The following SORL1 variants were observed in gnomAD, a reference collection of about 807,000 sequenced individuals.
The protein encoded by SORL1 is sortilin-related receptor.
SORL1 carries 127 observed loss-of-function variants against 273.7 expected under a neutral mutation model. That is an observed-to-expected ratio of 0.46 (90% confidence interval 0.40 to 0.54). The LOEUF is 0.54. Among genes scored for constraint, SORL1 ranks in the 20% least tolerant of loss-of-function variants. The pLI is 0.00. For synonymous variants in SORL1, 1,031 were observed against 1,067.4 expected (o/e 0.97, Z 0.66); for missense variants, 2,494 against 2,846.1 (o/e 0.88, Z 2.81).
intron 2 of SORL1, 23 bp from the exon 3 acceptor site, chr11:121,478,095 A>ATC: frequency 6.3e-7 from 1 of 1,582,246 alleles, no homozygotes. Flanking sequence ...TTTCTTTTTC[A>ATC]TCTCCTTTTC....
At chr11:121,588,710 A>T (rs1863159979) in intron 28 of SORL1, among the ~76,000 whole-genome samples, 1 of 152,218 alleles carries the variant, frequency 6.6e-6, no homozygotes, top group African/African-American at 2.4e-5. Context: ...AGATGGCTCA[A>T]ACAACAGAAA....
At chr11:121,557,784 G>A (rs975509558) in intron 19 of SORL1, among the ~76,000 whole-genome samples, 3 of 152,220 alleles carry the variant, frequency 2.0e-5, no homozygotes, top group Non-Finnish European at 4.4e-5. Flanking sequence ...TTCCCAGCAT[G>A]TGTAGGTTTT....
intron 23 of SORL1, among the ~76,000 whole-genome samples, chr11:121,573,018 A>G (rs1862869632): frequency 6.6e-6 from 1 of 152,132 alleles, no homozygotes; most frequent in South Asian, 2.1e-4. Context: ...CACTCTCCTG[A>G]GAGCAGCCTG....
intron 26 of SORL1, among the ~76,000 whole-genome samples, chr11:121,585,310 C>A (rs1863078754): frequency 6.6e-6 from 1 of 151,938 alleles, no homozygotes. Context: ...ATAGCAAGAC[C>A]CCATCTCTAC....
At chr11:121,607,097 CT>C in intron 36 of SORL1, 88 bp from the exon 37 acceptor site, 1 of 1,039,820 alleles carries the variant, frequency 9.6e-7, no homozygotes, top group Non-Finnish European at 1.5e-6. Context: ...TCCTCACCAT[CT>C]TTTCTCTCCT....
chr11:121,586,471 G>A (rs1365509227), intron 27 of SORL1, 142 bp downstream of exon 27: 3 of 693,818 alleles, frequency 4.3e-6, no homozygotes, highest in African/African-American at 1.7e-5. Flanking sequence ...TACTTGGCTA[G>A]GACTCCTGGA....
intron 2 of SORL1, among the ~76,000 whole-genome samples, chr11:121,471,003 C>T (rs1861159417): frequency 1.3e-5 from 2 of 152,188 alleles, no homozygotes; most frequent in African/African-American, 4.8e-5. Flanking sequence ...CAACACTCTA[C>T]CTCCTCAGAG....
intron 11 of SORL1, among the ~76,000 whole-genome samples, chr11:121,525,470 C>T (rs367625461): frequency 1.3e-5 from 2 of 152,132 alleles, no homozygotes; most frequent in African/African-American, 4.8e-5. Context: ...AATGGAATAG[C>T]TGGGTAGCAT....
intron 35 of SORL1, 49 bp downstream of exon 35, chr11:121,605,620 G>C (rs569908343): frequency 1.1e-5 from 16 of 1,453,552 alleles, no homozygotes; most frequent in Non-Finnish European, 8.7e-6. Flanking sequence ...CTCAGGTCGG[G>C]GTTTGTGAGG....
In SORL1 at chr11:121,574,951, CT is replaced by C. The variant is rs776272213; in HGVS notation, c.3460+598del. The stretch of plus-strand genomic sequence containing the variant: ...CAAATCTGCACCTCTGTGAACTGTT[CT>C]TTTTTTTTTAACCAATTTAATTCAT... On this transcript the variant is annotated intron_variant, in intron 24 of 47. Transcript: ENST00000260197. Among the ~76,000 whole-genome samples, 113 of 148,292 alleles carry C rather than the reference CT, an allele frequency of 7.6e-4. 1 individual carries two copies. Among genetic ancestry groups the C allele is most frequent in the South Asian group, 4.5e-3 (21 of 4,672 alleles).
intron 8 of SORL1, among the ~76,000 whole-genome samples, chr11:121,516,793 C>A (rs1036286666): frequency 6.6e-6 from 1 of 152,068 alleles, no homozygotes; most frequent in Non-Finnish European, 1.5e-5. Flanking sequence ...GTGGCTCACG[C>A]CTGTAAACCC....
At chr11:121,485,671 A>G (rs969622659) in intron 3 of SORL1, among the ~76,000 whole-genome samples, 2 of 152,324 alleles carry the variant, frequency 1.3e-5, no homozygotes, top group Middle Eastern at 3.4e-3. Context: ...TTCTGGGGAA[A>G]TCTTTTCAAA....
intron 12 of SORL1, among the ~76,000 whole-genome samples, chr11:121,538,241 CT>C (rs1016213476): frequency 6.6e-6 from 1 of 150,414 alleles, no homozygotes; most frequent in Non-Finnish European, 1.5e-5. Context: ...CAGATATTGA[CT>C]ACACCATTTA....
chr11:121,570,192 A>C lies in SORL1; in HGVS notation c.3259A>C (p.Asn1087His), dbSNP rs767195946. 1 of 1,613,956 alleles carries C rather than the reference A, an allele frequency of 6.2e-7. No individual in the cohort carries two copies. Among genetic ancestry groups the C allele is most frequent in the Non-Finnish European group, 8.5e-7 (1 of 1,179,924 alleles). Residue 1087 changes from asparagine to histidine, a missense_variant, in exon 23 of 48, where the codon AAC (asparagine) becomes CAC (histidine). This residue lies in a region of SORL1 where 1,609 missense variants were observed against 1,816.4 expected (regional missense o/e 0.89). Transcript: ENST00000260197. ...TCLRNQYRCS[N>H]GNCINSIWWC... The stretch of plus-strand genomic sequence containing the variant: ...TCTTCGCAACCAGTATCGCTGCAGC[A>C]ACGGGAACTGTATCAACAGCATTTG...
chr11:121,485,965 G>A (rs1003556206), intron 3 of SORL1, among the ~76,000 whole-genome samples: 2 of 152,190 alleles, frequency 1.3e-5, no homozygotes, highest in African/African-American at 2.4e-5. Context: ...GGAAGTTTAT[G>A]GTCTGGATTT....
In SORL1 at chr11:121,550,725, C is replaced by T; in HGVS notation, c.2266+55C>T. 2.1e-6 allele frequency: 3 copies of T among 1,406,196 alleles called. No individual in the cohort carries two copies. The highest frequency in any genetic ancestry group is 3.0e-6 in the Non-Finnish European group (3 of 1,003,196). 87.1% of individuals were successfully genotyped at this position (1,406,196 alleles called of 1,614,324 possible). A position where few individuals can be genotyped will look rare whatever the true frequency, so the allele number is the denominator to read the frequency against. On this transcript the variant is annotated intron_variant, in intron 16 of 47. Transcript: ENST00000260197. This position sits in a 1 kb window ranked among gnomAD's most constrained non-coding sequence, Gnocchi z 5.3. ...TCTTGAGACATGGTTGAAGCAGTAT[C>T]ACGATCTCACCCAAGTCCGGGCTTG...
In SORL1 at chr11:121,619,759, G is replaced by A. The variant is rs1565357108; in HGVS notation, c.5731G>A (p.Val1911Ile). 1 of 1,613,894 alleles carries A rather than the reference G, an allele frequency of 6.2e-7. No homozygotes were observed. Among genetic ancestry groups the A allele is most frequent in the Non-Finnish European group, 8.5e-7 (1 of 1,179,866 alleles). ...KDEQYLFLVRVVVPYQGPSSD... is the reference protein window; with the variant it reads ...KDEQYLFLVRIVVPYQGPSSD... ...GTGTGTGCTTGGGCTTCAGGTCCGT[G>A]TAGTGGTACCCTACCAGGGGCCATC... The change falls in exon 43 of 48, where the codon GTA becomes ATA. Residue 1911 changes from valine (V) to isoleucine (I), a missense_variant. Val to Ile is a conservative substitution (Grantham distance 29). Transcript: ENST00000260197.
chr11:121,531,836 G>A (rs913781386), intron 11 of SORL1, among the ~76,000 whole-genome samples: 2 of 152,184 alleles, frequency 1.3e-5, no homozygotes, highest in Admixed American at 6.5e-5. Flanking sequence ...CCCTATAGGG[G>A]CTCCTTTCTC....
chr11:121,499,362 G>A (rs1861678074), intron 6 of SORL1, among the ~76,000 whole-genome samples: 2 of 152,278 alleles, frequency 1.3e-5, no homozygotes, highest in African/African-American at 4.8e-5. Flanking sequence ...ACTGAGAGGT[G>A]TTTCCCAAAT....
Sources: gnomAD v4.1 joint callset for allele counts (sites outside exome capture counted in the v4.1 genomes callset) on GRCh38, gnomAD v4.1.1 for gene constraint, gnomAD v4.1.1 regional missense constraint, Gnocchi (gnomAD v3.1) non-coding constraint, MANE v1.5 for transcripts, NCBI Gene and HGNC (gene_info 2026-07-23, HGNC 2026-07-21) for gene names.